TBC1D5: variants seen among roughly 807,000 people sequenced by gnomAD.
TBC1D5 encodes the protein TBC1 domain family, member 5.
TBC1D5 carries 75 observed loss-of-function variants against 100.3 expected under a neutral mutation model. The ratio of observed to expected loss-of-function variants is 0.75; its 90% CI spans 0.62 to 0.91. The LOEUF is 0.91. Ranked by LOEUF, TBC1D5 falls within the 40% of genes least tolerant of loss-of-function variation. The probability of loss-of-function intolerance (pLI) is 0.00; values close to 1 mark genes in which losing one functional copy is unlikely to be tolerated. For missense variants in TBC1D5, 910 were observed against 942.4 expected (o/e 0.97, Z 0.45); for synonymous variants, 323 against 325.6 (o/e 0.99, Z 0.09).
chr3:17,406,451 C>CA lies in TBC1D5; in HGVS notation c.242dup (p.Arg82GlufsTer27). ...AAATGCTGCGGAACCTGCTGCTTCT[C>CA]AGCTGCCCATTAATCCCCTTCTGCC... is the stretch of plus-strand genomic sequence containing the variant. On this transcript the variant is annotated frameshift_variant, in exon 5 of 22. Transcript: ENST00000253692. LOFTEE classifies it high-confidence loss of function. 1 of 1,611,140 alleles carries CA rather than the reference C, an allele frequency of 6.2e-7. No homozygotes were observed. Among genetic ancestry groups the CA allele is most frequent in the Non-Finnish European group, 8.5e-7 (1 of 1,178,782 alleles).
At chr3:17,697,861 C>T (rs1439036352) in intron 1 of TBC1D5, among the ~76,000 whole-genome samples, 1 of 151,930 alleles carries the variant, frequency 6.6e-6, no homozygotes, top group African/African-American at 2.4e-5. Context: ...AAATACACTA[C>T]AAGGCTACAG....
At chr3:17,565,202 C>T (rs1049665436) in intron 2 of TBC1D5, among the ~76,000 whole-genome samples, 3 of 152,080 alleles carry the variant, frequency 2.0e-5, no homozygotes, top group Non-Finnish European at 2.9e-5. Flanking sequence ...GTCAATCCTA[C>T]AATCATCTTT....
chr3:17,678,526 T>C (rs2068947175), intron 1 of TBC1D5, among the ~76,000 whole-genome samples: 1 of 152,078 alleles, frequency 6.6e-6, no homozygotes, highest in South Asian at 2.1e-4. Flanking sequence ...CAAAAGAAGT[T>C]ACTCATAACA....
At chr3:17,708,040 C>A (rs974581686) in intron 1 of TBC1D5, among the ~76,000 whole-genome samples, 23 of 152,166 alleles carry the variant, frequency 1.5e-4, no homozygotes, top group African/African-American at 5.6e-4. Context: ...AAAGGAATAA[C>A]TAGAGATAAA....
chr3:17,547,743 G>T (rs565077930), intron 2 of TBC1D5, among the ~76,000 whole-genome samples: 3 of 152,112 alleles, frequency 2.0e-5, no homozygotes, highest in African/African-American at 7.2e-5. Context: ...TGTTACCATA[G>T]TAACATCCTG....
chr3:17,188,639 CA>C (rs1447915059), intron 18 of TBC1D5, among the ~76,000 whole-genome samples: 1 of 152,114 alleles, frequency 6.6e-6, no homozygotes, highest in Non-Finnish European at 1.5e-5. Flanking sequence ...CACTTGGAGG[CA>C]AAAGGGTGGC....
chr3:17,606,869 C>T (rs376245169), intron 2 of TBC1D5, among the ~76,000 whole-genome samples: 42 of 152,246 alleles, frequency 2.8e-4, no homozygotes, highest in African/African-American at 9.1e-4. Flanking sequence ...ACACCAACAG[C>T]TTCAGATAAG....
chr3:17,632,959 T>C (rs1325511454), intron 1 of TBC1D5, among the ~76,000 whole-genome samples: 1 of 152,124 alleles, frequency 6.6e-6, no homozygotes, highest in Non-Finnish European at 1.5e-5. Context: ...TAATACACCC[T>C]TTTTCCCCAA....
chr3:17,637,393 C>T (rs1161561404), intron 1 of TBC1D5, among the ~76,000 whole-genome samples: 1 of 150,926 alleles, frequency 6.6e-6, no homozygotes, highest in Non-Finnish European at 1.5e-5. Context: ...TGGAATGTAG[C>T]CGAGTTTCTA....
chr3:17,451,939 C>A (rs2094938075), intron 3 of TBC1D5, among the ~76,000 whole-genome samples: 1 of 151,894 alleles, frequency 6.6e-6, no homozygotes, highest in African/African-American at 2.4e-5. Flanking sequence ...AAAAAAATTA[C>A]AAGAAGGTTA....
chr3:17,418,204 G>C (rs2094129576), intron 4 of TBC1D5, among the ~76,000 whole-genome samples: 1 of 151,784 alleles, frequency 6.6e-6, no homozygotes, highest in African/African-American at 2.4e-5. Context: ...CATATTTCTA[G>C]GTACATAATA....
exon 22 of TBC1D5, chr3:17,159,876 T>C (rs1443709656): frequency 1.3e-5 from 2 of 152,238 alleles, no homozygotes; most frequent in South Asian, 2.1e-4. Context: ...GTTCTCTAGG[T>C]ATCCTTATTC....
At chr3:17,458,567 T>A (rs897069723) in intron 3 of TBC1D5, among the ~76,000 whole-genome samples, 4 of 152,182 alleles carry the variant, frequency 2.6e-5, no homozygotes, top group African/African-American at 9.7e-5. Flanking sequence ...TCTTAGTTGA[T>A]CTCTTTCTAG....
chr3:17,520,705 A>G (rs187524482), intron 2 of TBC1D5, among the ~76,000 whole-genome samples: 5 of 152,298 alleles, frequency 3.3e-5, no homozygotes, highest in Non-Finnish European at 7.4e-5. Context: ...ATAATGAAAT[A>G]AAATACAGAT....
intron 2 of TBC1D5, among the ~76,000 whole-genome samples, chr3:17,616,497 C>T (rs376029047): frequency 1.3e-5 from 2 of 151,972 alleles, no homozygotes; most frequent in African/African-American, 4.8e-5. Flanking sequence ...ATGTTAAAGT[C>T]TCCCATTATT....
At chr3:17,178,063 C>A (rs1426944876) in intron 19 of TBC1D5, among the ~76,000 whole-genome samples, 1 of 131,986 alleles carries the variant, frequency 7.6e-6, no homozygotes, top group African/African-American at 3.0e-5. Flanking sequence ...CTGAATAGTG[C>A]TCCTTTTTTT....
At chr3:17,191,026 T>A (rs188150248) in intron 18 of TBC1D5, among the ~76,000 whole-genome samples, 69 of 152,120 alleles carry the variant, frequency 4.5e-4, no homozygotes, top group Non-Finnish European at 8.5e-4. Context: ...GTGAATGAAA[T>A]CCAAGTCAGA....
intron 14 of TBC1D5, among the ~76,000 whole-genome samples, chr3:17,294,195 C>CATTT (rs35808278): frequency 0.3 from 45,096 of 150,502 alleles, 7,114 homozygotes; most frequent in Middle Eastern, 0.38. Context: ...ATTGACTAAT[C>CATTT]ATTTATTTAT....
At chr3:17,347,209 C>G (rs1417822591) in intron 13 of TBC1D5, among the ~76,000 whole-genome samples, 1 of 152,172 alleles carries the variant, frequency 6.6e-6, no homozygotes, top group African/African-American at 2.4e-5. Flanking sequence ...GGATATGTTA[C>G]TCAGCTTCTT....
Sources: allele counts gnomAD v4.1 joint callset (sites outside exome capture counted in the v4.1 genomes callset), GRCh38; gene constraint gnomAD v4.1.1; transcripts MANE v1.5; gene names NCBI Gene and HGNC (gene_info 2026-07-23, HGNC 2026-07-21).